CTNNA2: variants seen among roughly 807,000 people sequenced by gnomAD.
The protein encoded by CTNNA2 is catenin alpha 2, also known as catenin alpha-2.
In CTNNA2, 42 loss-of-function variants were observed where a neutral mutation model predicts 101.0. The ratio of observed to expected loss-of-function variants is 0.42; its 90% CI spans 0.32 to 0.54. The LOEUF is 0.54. Ranked by LOEUF, CTNNA2 falls within the 20% of genes least tolerant of loss-of-function variation. The pLI, the probability that CTNNA2 is intolerant of heterozygous loss-of-function variation, is 0.14. For synonymous variants in CTNNA2, 450 were observed against 456.4 expected (o/e 0.99, Z 0.18); for missense variants, 871 against 1,223.1 (o/e 0.71, Z 4.29).
intron 9 of CTNNA2, among the ~76,000 whole-genome samples, chr2:80,491,627 C>T (rs566060919): frequency 6.6e-5 from 10 of 152,148 alleles, no homozygotes; most frequent in Non-Finnish European, 8.8e-5. Flanking sequence ...CTTTCCAGGG[C>T]ATTTTATTGA....
At chr2:79,479,900 G>A (rs1314329316) in intron 4 of CTNNA2, among the ~76,000 whole-genome samples, 1 of 151,940 alleles carries the variant, frequency 6.6e-6, no homozygotes, top group African/African-American at 2.4e-5. Flanking sequence ...TCTAGACTGG[G>A]CGACAAAGTG....
At chr2:80,615,015 G>A (rs186670158) in intron 17 of CTNNA2, among the ~76,000 whole-genome samples, 2 of 151,380 alleles carry the variant, frequency 1.3e-5, no homozygotes, top group East Asian at 3.9e-4. Flanking sequence ...CTTACCCCAG[G>A]AATTCCTGGA....
At chr2:79,252,921 A>G (rs1674792041) in intron 2 of CTNNA2, among the ~76,000 whole-genome samples, 2 of 152,152 alleles carry the variant, frequency 1.3e-5, no homozygotes, top group South Asian at 4.1e-4. Context: ...GCTTAATACC[A>G]ATTCCTAGTT....
intron 2 of CTNNA2, among the ~76,000 whole-genome samples, chr2:79,721,302 G>T (rs1223208965): frequency 2.0e-5 from 3 of 152,082 alleles, no homozygotes; most frequent in East Asian, 1.9e-4. Flanking sequence ...CTGGCATCTG[G>T]TGAGGGCCTT....
At chr2:79,889,254 C>A (rs546669518) in intron 6 of CTNNA2, among the ~76,000 whole-genome samples, 1 of 152,194 alleles carries the variant, frequency 6.6e-6, no homozygotes. Context: ...TACTGCTCAA[C>A]GTATTTCCTG....
At chr2:79,699,557 T>C (rs955773130) in intron 2 of CTNNA2, among the ~76,000 whole-genome samples, 3 of 151,862 alleles carry the variant, frequency 2.0e-5, no homozygotes, top group Non-Finnish European at 4.4e-5. Flanking sequence ...AATAAGGAAG[T>C]GGGGTATTCC....
intron 7 of CTNNA2, among the ~76,000 whole-genome samples, chr2:79,986,246 C>G (rs1691750607): frequency 6.6e-6 from 1 of 152,162 alleles, no homozygotes; most frequent in Non-Finnish European, 1.5e-5. Flanking sequence ...GAATGATTGC[C>G]TTTGCTTCTT....
chr2:80,381,506 G>A (rs943630730), intron 7 of CTNNA2, among the ~76,000 whole-genome samples: 2 of 152,080 alleles, frequency 1.3e-5, no homozygotes, highest in Non-Finnish European at 2.9e-5. Flanking sequence ...AGAAAACAAC[G>A]AGATAGAGAT....
chr2:79,411,024 C>T (rs1204513300), intron 4 of CTNNA2, among the ~76,000 whole-genome samples: 1 of 152,078 alleles, frequency 6.6e-6, no homozygotes, highest in Admixed American at 6.6e-5. Context: ...CTGGTTTTGT[C>T]TTGGGAGAGT....
At chr2:79,376,208 C>A (rs549804334) in intron 4 of CTNNA2, among the ~76,000 whole-genome samples, 2 of 152,132 alleles carry the variant, frequency 1.3e-5, no homozygotes, top group African/African-American at 2.4e-5. Context: ...GCAGCAGACA[C>A]CCAGAGAGGG....
intron 7 of CTNNA2, among the ~76,000 whole-genome samples, chr2:80,082,675 A>G (rs1464513675): frequency 1.3e-5 from 2 of 152,172 alleles, no homozygotes. Flanking sequence ...TCCAAACAGG[A>G]AGAAAAAATT....
At chr2:79,661,713 A>C (rs1053789114) in intron 2 of CTNNA2, among the ~76,000 whole-genome samples, 11 of 152,150 alleles carry the variant, frequency 7.2e-5, no homozygotes, top group African/African-American at 2.7e-4. Context: ...TATGCAACTG[A>C]CCACAGATAA....
chr2:79,765,812 T>C (rs538849955), intron 3 of CTNNA2, among the ~76,000 whole-genome samples: 15 of 152,336 alleles, frequency 9.8e-5, no homozygotes, highest in East Asian at 7.7e-4. Context: ...CTGTGACTAA[T>C]AGTGTATATT....
At chr2:80,258,023 C>T (rs78419817) in intron 7 of CTNNA2, among the ~76,000 whole-genome samples, 9,482 of 152,250 alleles carry the variant, frequency 0.062, 471 homozygotes, top group South Asian at 0.29. Flanking sequence ...ACACCCTGGA[C>T]GTTAGAGAGT....
chr2:80,001,738 G>T (rs930465248), intron 7 of CTNNA2, among the ~76,000 whole-genome samples: 1 of 152,110 alleles, frequency 6.6e-6, no homozygotes, highest in Non-Finnish European at 1.5e-5. Context: ...AAGAGGAGGC[G>T]GCCGGACACA....
At chr2:80,537,787 T>G (rs1268499935) in intron 9 of CTNNA2, among the ~76,000 whole-genome samples, 1 of 151,992 alleles carries the variant, frequency 6.6e-6, no homozygotes, top group Non-Finnish European at 1.5e-5. Flanking sequence ...GAGGTGGGGT[T>G]TCTCCATGTT....
intron 2 of CTNNA2, among the ~76,000 whole-genome samples, chr2:79,657,788 A>G (rs1681721441): frequency 6.6e-6 from 1 of 151,858 alleles, no homozygotes. Context: ...GCCTATATTT[A>G]GAAAACAAAT....
intron 7 of CTNNA2, among the ~76,000 whole-genome samples, chr2:80,295,729 A>G (rs1326694007): frequency 6.6e-6 from 1 of 152,242 alleles, no homozygotes; most frequent in Non-Finnish European, 1.5e-5. Flanking sequence ...TGTAAATGAC[A>G]GTACTATGTC....
chr2:80,351,303 A>G (rs1310045524), intron 7 of CTNNA2, among the ~76,000 whole-genome samples: 1 of 152,078 alleles, frequency 6.6e-6, no homozygotes, highest in Non-Finnish European at 1.5e-5. Context: ...TGTCTGGTCA[A>G]TAGAGCCTAA....
Sources: gnomAD v4.1 joint callset for allele counts (sites outside exome capture counted in the v4.1 genomes callset) on GRCh38, gnomAD v4.1.1 for gene constraint, MANE v1.5 for transcripts, NCBI Gene and HGNC (gene_info 2026-07-23, HGNC 2026-07-21) for gene names.